Variants in AEBP2 observed in about 807,000 individuals in gnomAD.
The protein encoded by AEBP2 is AE binding protein 2, also known as zinc finger protein AEBP2.
AEBP2 carries 10 observed loss-of-function variants against 50.8 expected under a neutral mutation model. The observed-to-expected ratio is 0.20, with a 90% CI of 0.12 to 0.33. AEBP2 has a LOEUF of 0.33. AEBP2 is among the 10% of genes least tolerant of loss of function. The pLI, the probability that AEBP2 is intolerant of heterozygous loss-of-function variation, is 1.00. For missense variants in AEBP2, 570 were observed against 688.0 expected, an observed-to-expected ratio of 0.83 and a Z score of 1.92; for synonymous variants, 296 against 261.3, an observed-to-expected ratio of 1.13 and a Z score of -1.28.
chr12:19,430,480 G>A (rs1204306016), intron 1 of AEBP2, among the ~76,000 whole-genome samples: 2 of 152,086 alleles, frequency 1.3e-5, no homozygotes, highest in African/African-American at 4.8e-5. Context: ...GTTCCATACG[G>A]ATTTTAAAGT....
At chr12:19,410,607 C>G (rs1388949024) in intron 1 of AEBP2, among the ~76,000 whole-genome samples, 1 of 152,140 alleles carries the variant, frequency 6.6e-6, no homozygotes, top group Non-Finnish European at 1.5e-5. Context: ...CTTCATCTAC[C>G]CCCTTCCCCA....
chr12:19,429,223 C>T (rs147871983), intron 1 of AEBP2, among the ~76,000 whole-genome samples: 7,368 of 152,052 alleles, frequency 0.048, 397 homozygotes, highest in Admixed American at 0.15. Flanking sequence ...TGAGAACATG[C>T]GGTGTTTGGT....
chr12:19,461,760 C>T (rs1358792891), intron 1 of AEBP2, among the ~76,000 whole-genome samples: 5 of 152,110 alleles, frequency 3.3e-5, no homozygotes, highest in Non-Finnish European at 7.4e-5. Context: ...GTCCACCCGC[C>T]TCGGCCTCCC....
intron 1 of AEBP2, among the ~76,000 whole-genome samples, chr12:19,428,166 G>A (rs1252093284): frequency 1.3e-5 from 2 of 151,996 alleles, no homozygotes; most frequent in Admixed American, 6.6e-5. Flanking sequence ...GTCCTGGGAG[G>A]TCAAGGCAGC....
chr12:19,414,139 G>A (rs907243315), intron 1 of AEBP2, among the ~76,000 whole-genome samples: 4 of 151,946 alleles, frequency 2.6e-5, no homozygotes, highest in Admixed American at 2.0e-4. Flanking sequence ...TGATCCTCCC[G>A]CCTCAGCCTC....
At chr12:19,448,114 C>T (rs553847715) in intron 1 of AEBP2, among the ~76,000 whole-genome samples, 3 of 151,976 alleles carry the variant, frequency 2.0e-5, no homozygotes, top group East Asian at 1.9e-4. Flanking sequence ...GCTATGTTGC[C>T]GAGACTGGTT....
At chr12:19,461,590 A>C (rs184757530) in intron 1 of AEBP2, among the ~76,000 whole-genome samples, 44 of 131,878 alleles carry the variant, frequency 3.3e-4, no homozygotes, top group Admixed American at 3.9e-4. Context: ...GCTCACTCCA[A>C]CCTCCGCCTC....
At chr12:19,459,913 C>G (rs529342209) in intron 1 of AEBP2, among the ~76,000 whole-genome samples, 8 of 152,188 alleles carry the variant, frequency 5.3e-5, no homozygotes, top group Admixed American at 1.3e-4. Flanking sequence ...AAACAAGACT[C>G]TGCCGCTACA....
chr12:19,509,805 T>A (rs2120583172), intron 5 of AEBP2, among the ~76,000 whole-genome samples: 1 of 148,412 alleles, frequency 6.7e-6, no homozygotes, highest in Non-Finnish European at 1.5e-5. Context: ...ATAATATTAG[T>A]AACATGGCTA....
chr12:19,479,190 C>T (rs1035617305), intron 3 of AEBP2, among the ~76,000 whole-genome samples: 6 of 151,838 alleles, frequency 4.0e-5, no homozygotes, highest in Non-Finnish European at 5.9e-5. Flanking sequence ...ACCAGGGTGA[C>T]GGGCCTCAAA....
chr12:19,433,390 A>G (rs934522719), intron 1 of AEBP2, among the ~76,000 whole-genome samples: 2 of 152,184 alleles, frequency 1.3e-5, no homozygotes, highest in African/African-American at 4.8e-5. Flanking sequence ...CCCTTCTCCA[A>G]AAAAACAAAA....
At chr12:19,499,628 A>T (rs985763296) in intron 4 of AEBP2, among the ~76,000 whole-genome samples, 1 of 151,988 alleles carries the variant, frequency 6.6e-6, no homozygotes, top group Non-Finnish European at 1.5e-5. Flanking sequence ...AAAAAAAAAA[A>T]AAAACCTCAA....
At chr12:19,433,741 T>G (rs930345499) in intron 1 of AEBP2, among the ~76,000 whole-genome samples, 2 of 151,428 alleles carry the variant, frequency 1.3e-5, no homozygotes, top group Non-Finnish European at 2.9e-5. Flanking sequence ...AGGTGGAGGT[T>G]GCAGTGAACC....
In AEBP2 at chr12:19,521,814, G is replaced by A. The variant is rs997498355; in HGVS notation, c.*3697G>A. On this transcript the variant is annotated 3_prime_UTR_variant, in exon 8 of 8. Coordinates refer to ENST00000266508, the MANE Select transcript of AEBP2 (RefSeq NM_153207.5). ...TTTTTTCTTTGAATTCTTAATTCAT[G>A]GTGAACAGATGTTGGGTTCTTAAAA... 9 of 151,874 alleles carry A rather than the reference G, an allele frequency of 5.9e-5. No homozygotes were observed. The highest frequency in any genetic ancestry group is 2.2e-4 in the African/African-American group (9 of 41,362). The allele number at this position is 151,874 out of a possible 1,614,324, so 9.4% of individuals were successfully genotyped here.
At chr12:19,427,046 C>T (rs946351805) in intron 1 of AEBP2, among the ~76,000 whole-genome samples, 9 of 152,096 alleles carry the variant, frequency 5.9e-5, no homozygotes, top group African/African-American at 2.2e-4. Flanking sequence ...GATTTGTGGG[C>T]AAGCATTATC....
chr12:19,405,647 A>G (rs2095735789), intron 1 of AEBP2, among the ~76,000 whole-genome samples: 1 of 152,068 alleles, frequency 6.6e-6, no homozygotes, highest in South Asian at 2.1e-4. Flanking sequence ...AAGAAATTCA[A>G]GATTTTCCTC....
rs1398876571 is a variant in AEBP2, at chr12:19,493,912, C to G, written c.1100C>G (p.Ala367Gly). 2 of 1,613,558 alleles carry G rather than the reference C, an allele frequency of 1.2e-6. No individual in the cohort carries two copies. The highest frequency in any genetic ancestry group is 1.7e-6 in the Non-Finnish European group (2 of 1,179,738). Residue 367 changes from alanine to glycine, a missense_variant, in exon 4 of 8, where the codon GCC (alanine) becomes GGC (glycine). Physicochemically the swap from Ala to Gly is moderately conservative, Grantham distance 60. Coordinates refer to ENST00000266508, the MANE Select transcript of AEBP2 (RefSeq NM_153207.5). ...NSSKVSSQPK[A>G]KEESPSKAGM... is the part of the protein sequence containing the mutation. ...TCAAAAGTTTCTAGCCAGCCAAAGG[C>G]CAAAGAAGAATCTCCTTCTAAAGCT...
chr12:19,440,958 C>G (rs1947947167), intron 1 of AEBP2, among the ~76,000 whole-genome samples: 1 of 152,194 alleles, frequency 6.6e-6, no homozygotes, highest in Non-Finnish European at 1.5e-5. Flanking sequence ...GTGATTTTAA[C>G]AATCTTTTCT....
chr12:19,509,130 G>C, intron 5 of AEBP2: 1 of 510,672 alleles, frequency 2.0e-6, no homozygotes, highest in South Asian at 2.6e-5. Flanking sequence ...CATGTCAGCA[G>C]GGCCTGTGGT....
Sources: allele counts gnomAD v4.1 joint callset (sites outside exome capture counted in the v4.1 genomes callset), GRCh38; gene constraint gnomAD v4.1.1; transcripts MANE v1.5; gene names NCBI Gene and HGNC (gene_info 2026-07-23, HGNC 2026-07-21).